Variants in FARS2 observed in about 807,000 individuals in gnomAD.
FARS2 encodes the protein phenylalanyl-tRNA synthetase 2, mitochondrial, also known as phenylalanine--tRNA ligase, mitochondrial.
Under a neutral mutation model 46.4 loss-of-function variants are expected in FARS2, and 40 were observed. The ratio of observed to expected loss-of-function variants is 0.86; its 90% CI spans 0.67 to 1.12. FARS2 has a LOEUF of 1.12. Ranked by LOEUF, FARS2 falls within the 50% of genes most tolerant of loss-of-function variation. FARS2 has a pLI of 0.00. For missense variants in FARS2, 513 were observed against 567.9 expected (o/e 0.90, Z 0.98); for synonymous variants, 234 against 214.9 (o/e 1.09, Z -0.78).
upstream of FARS2, chr6:5,260,510 G>A: frequency 1.7e-6 from 2 of 1,189,854 alleles, no homozygotes; most frequent in Non-Finnish European, 1.2e-6. Flanking sequence ...CTTTTCGATG[G>A]CGGAGCCCGG....
At chr6:5,309,754 C>A (rs891772041) in intron 1 of FARS2, among the ~76,000 whole-genome samples, 11 of 109,578 alleles carry the variant, frequency 1.0e-4, no homozygotes, top group South Asian at 7.0e-4. Flanking sequence ...TGAAAGATAT[C>A]AATTCTTATA....
chr6:5,450,917 G>T (rs1479748227), intron 4 of FARS2, among the ~76,000 whole-genome samples: 2 of 152,102 alleles, frequency 1.3e-5, no homozygotes, highest in African/African-American at 2.4e-5. Flanking sequence ...CTCCATGAAG[G>T]TATTCAGGGT....
chr6:5,358,611 T>C (rs1392651205), intron 1 of FARS2, among the ~76,000 whole-genome samples: 1 of 152,202 alleles, frequency 6.6e-6, no homozygotes, highest in African/African-American at 2.4e-5. Flanking sequence ...TAATGTGAAC[T>C]TAATTTTAAC....
intron 6 of FARS2, among the ~76,000 whole-genome samples, chr6:5,678,099 AG>A (rs1322524358): frequency 6.6e-6 from 1 of 152,182 alleles, no homozygotes; most frequent in Admixed American, 6.5e-5. Context: ...AGTCGTAGAA[AG>A]GGGGAACTCA....
At chr6:5,562,375 A>G (rs1050671565) in intron 5 of FARS2, among the ~76,000 whole-genome samples, 8 of 152,172 alleles carry the variant, frequency 5.3e-5, no homozygotes, top group African/African-American at 1.7e-4. Flanking sequence ...GTTTTGGCTC[A>G]ATACCTGATC....
At chr6:5,252,117 T>C in the FARS2 span, among the ~76,000 whole-genome samples, 1 of 152,170 alleles carries the variant, frequency 6.6e-6, no homozygotes, top group African/African-American at 2.4e-5. Context: ...TTACCACTCA[T>C]GAAACTAGGG....
chr6:5,422,073 A>G (rs1201865001), intron 3 of FARS2, among the ~76,000 whole-genome samples: 1 of 152,234 alleles, frequency 6.6e-6, no homozygotes, highest in Non-Finnish European at 1.5e-5. Context: ...ACAGTTTCAT[A>G]TGGCTGGGGA....
chr6:5,706,678 G>A lies in FARS2; in HGVS notation c.1218-64613G>A, dbSNP rs147737170. Among the ~76,000 whole-genome samples the A allele has an allele frequency of 3.0e-3, 450 of 152,308 alleles. 2 individuals carry two copies. The highest frequency in any genetic ancestry group is 5.2e-3 in the Non-Finnish European group (354 of 68,032). ...AGCTGCTACCCCAAGCAAGCCAGCTGCGAATCACTGGCCATGTTTTAACTT... is the reference window on the plus strand; with the variant it reads ...AGCTGCTACCCCAAGCAAGCCAGCTACGAATCACTGGCCATGTTTTAACTT... On this transcript the variant is annotated intron_variant, in intron 6 of 6. Coordinates refer to ENST00000274680, the MANE Select transcript of FARS2 (RefSeq NM_006567.5).
At chr6:5,409,240 G>A (rs138062643) in intron 3 of FARS2, among the ~76,000 whole-genome samples, 2,057 of 152,184 alleles carry the variant, frequency 0.014, 16 homozygotes, top group Middle Eastern at 0.024. Context: ...CATGAGGTCA[G>A]GAGATCAAGA....
chr6:5,594,460 C>T (rs1044240436), intron 5 of FARS2, among the ~76,000 whole-genome samples: 3 of 152,070 alleles, frequency 2.0e-5, no homozygotes, highest in Non-Finnish European at 4.4e-5. Context: ...TCAGTGAGGT[C>T]GAGGCAGGAG....
chr6:5,715,403 C>T (rs760138856), intron 6 of FARS2, among the ~76,000 whole-genome samples: 2 of 152,146 alleles, frequency 1.3e-5, no homozygotes, highest in East Asian at 1.9e-4. Flanking sequence ...GATTTTAAAA[C>T]GTTTTCATGA....
In FARS2 at chr6:5,550,641, T is replaced by G. The variant is rs530759880; in HGVS notation, c.1065+5301T>G. Among the ~76,000 whole-genome samples the G allele has an allele frequency of 2.0e-5, 3 of 152,324 alleles. No homozygotes were observed. The East Asian group carries it at 5.8e-4, about 29-fold the overall frequency. ...TACCCTGGCTTTTGCCTGAAGAATT[T>G]GGGGAGTCAAATAGCCTTCTTTCTT... On this transcript the variant is annotated intron_variant, in intron 5 of 6. Transcript: ENST00000274680.
chr6:5,686,597 T>C (rs1410232845), intron 6 of FARS2, among the ~76,000 whole-genome samples: 1 of 152,242 alleles, frequency 6.6e-6, no homozygotes, highest in Non-Finnish European at 1.5e-5. Flanking sequence ...TAATCCAGTC[T>C]TTCATTGTTG....
intron 5 of FARS2, among the ~76,000 whole-genome samples, chr6:5,607,878 A>C (rs1774933065): frequency 2.0e-5 from 3 of 152,168 alleles, no homozygotes; most frequent in Non-Finnish European, 2.9e-5. Context: ...ATAGAAGATT[A>C]GAATAATACA....
At chr6:5,655,196 A>G (rs1335538002) in intron 6 of FARS2, among the ~76,000 whole-genome samples, 1 of 152,208 alleles carries the variant, frequency 6.6e-6, no homozygotes, top group Non-Finnish European at 1.5e-5. Flanking sequence ...TCTCCTTGAG[A>G]AAAAATTTCT....
intron 1 of FARS2, among the ~76,000 whole-genome samples, chr6:5,289,426 G>C (rs1264562831): frequency 1.3e-5 from 2 of 152,206 alleles, no homozygotes; most frequent in African/African-American, 2.4e-5. Context: ...ATGGAAAGGG[G>C]CATGAGCAAG....
rs906951808 is a variant in FARS2, at chr6:5,294,224, A to T, written c.-22+32564A>T. Among the ~76,000 whole-genome samples, 16 of 152,178 alleles carry T rather than the reference A, an allele frequency of 1.1e-4. No individual in the cohort carries two copies. In the East Asian group the frequency reaches 2.9e-3, roughly 28 times the overall value. On this transcript the variant is annotated intron_variant, in intron 1 of 6. Coordinates refer to ENST00000274680, the MANE Select transcript of FARS2 (RefSeq NM_006567.5). The stretch of plus-strand genomic sequence containing the variant: ...GATTTAATTTGTGACTAGGCATTTG[A>T]GTTTCGGATCCTTGGTGTAAAAGGA...
chr6:5,444,494 G>A (rs4053244), intron 4 of FARS2, among the ~76,000 whole-genome samples: 1,894 of 20,084 alleles, frequency 0.094, 129 homozygotes, highest in African/African-American at 0.22. Flanking sequence ...AAAAAAAAAA[G>A]AGAGAGAGAG....
chr6:5,606,306 C>A (rs1774832084), intron 5 of FARS2, among the ~76,000 whole-genome samples: 1 of 151,984 alleles, frequency 6.6e-6, no homozygotes, highest in Non-Finnish European at 1.5e-5. Flanking sequence ...AGATAGATTA[C>A]CTGTGAAGAA....
Sources: gnomAD v4.1 joint callset for allele counts (sites outside exome capture counted in the v4.1 genomes callset) on GRCh38, gnomAD v4.1.1 for gene constraint, MANE v1.5 for transcripts, NCBI Gene and HGNC (gene_info 2026-07-23, HGNC 2026-07-21) for gene names.